TSR2: variants seen among roughly 807,000 people sequenced by gnomAD.
TSR2 encodes the protein pre-rRNA-processing protein TSR2 homolog.
Under a neutral mutation model 13.3 loss-of-function variants are expected in TSR2, and 1 was observed. The observed-to-expected ratio is 0.08, with a 90% CI of 0.03 to 0.36. TSR2 has a LOEUF of 0.36. TSR2 is among the 10% of genes least tolerant of loss of function. The probability of loss-of-function intolerance (pLI) is 0.99; values close to 1 mark genes in which losing one functional copy is unlikely to be tolerated. For missense variants in TSR2, 120 were observed against 151.1 expected, an observed-to-expected ratio of 0.79 and a Z score of 1.08; for synonymous variants, 60 against 57.7, an observed-to-expected ratio of 1.04 and a Z score of -0.18.
Position 54,444,734 on chromosome X carries a change from G to A in TSR2, c.*184G>A, listed in dbSNP as rs1922062996. 2 of 401,135 alleles carry A rather than the reference G, an allele frequency of 5.0e-6. No homozygotes were observed. Among genetic ancestry groups the A allele is most frequent in the African/African-American group, 2.6e-5 (1 of 38,658 alleles). 33.1% of individuals were successfully genotyped at this position (401,135 alleles called of 1,213,427 possible). Reference sequence around the variant, plus strand: ...TAGGGTCCTTGGTCTTGGGGGTGGGGGGACCTTTTCCAGCATATTCCCCTG... The same window carrying A: ...TAGGGTCCTTGGTCTTGGGGGTGGGAGGACCTTTTCCAGCATATTCCCCTG... On this transcript the variant is annotated 3_prime_UTR_variant, in exon 5 of 5. Transcript: ENST00000375151.
At chrX:54,442,039 A>G (rs1161446517) in intron 2 of TSR2, among the ~76,000 whole-genome samples, 3 of 112,155 alleles carry the variant, frequency 2.7e-5, no homozygotes, top group Non-Finnish European at 5.6e-5. Context: ...CTTTCTATGG[A>G]TAGTGTCCCT....
At chrX:54,442,322 A>AG (rs1921965989) in intron 2 of TSR2, among the ~76,000 whole-genome samples, 1 of 111,146 alleles carries the variant, frequency 9.0e-6, no homozygotes, top group Admixed American at 9.6e-5. Flanking sequence ...GGTTGGCTGT[A>AG]GACAGGGAGG....
chrX:54,443,736 G>A (rs1474337406), intron 3 of TSR2, among the ~76,000 whole-genome samples: 1 of 111,824 alleles, frequency 8.9e-6, no homozygotes, highest in Non-Finnish European at 1.9e-5. Flanking sequence ...GGTTACCATT[G>A]CTCCCCAATA....
rs1451407402 is a variant in TSR2 at position 54,447,992 on chromosome X, T to C, written c.*3442T>C. Among the ~76,000 whole-genome samples the C allele has an allele frequency of 1.8e-5, 2 of 111,375 alleles. No individual in the cohort carries two copies. The highest frequency in any genetic ancestry group is 9.6e-5 in the Admixed American group (1 of 10,424). ...GTTCCTGGCACAGAGTAAGTACTCT[T>C]TTAAGTGTTAAATAAATACCTAGAT... On this transcript the variant is annotated 3_prime_UTR_variant, in exon 5 of 5. Coordinates refer to ENST00000375151, the MANE Select transcript of TSR2 (RefSeq NM_058163.3).
At position 54,447,616 on chromosome X, in the gene TSR2, G is replaced by A. The variant is rs1455908604; in HGVS notation, c.*3066G>A. On this transcript the variant is annotated 3_prime_UTR_variant, in exon 5 of 5. Transcript: ENST00000375151. ...TTGTCCAGTGCCACCCAGTGAATCA[G>A]CTAGAGCTGAGATTCAAAGCTAGGT... is the stretch of plus-strand genomic sequence containing the variant. Among the ~76,000 whole-genome samples the A allele has an allele frequency of 8.9e-6, 1 of 112,738 alleles. No individual in the cohort carries two copies. Among genetic ancestry groups the A allele is most frequent in the Admixed American group, 9.4e-5 (1 of 10,653 alleles).
chrX:54,446,080 G>C lies in TSR2; in HGVS notation c.*1530G>C. ...CAGACATGGGCAACTAGAGTGTGGGGTGGGGGCTCCCAGTTTGTCCCAAAC... is the reference window on the plus strand; with the variant it reads ...CAGACATGGGCAACTAGAGTGTGGGCTGGGGGCTCCCAGTTTGTCCCAAAC... On this transcript the variant is annotated 3_prime_UTR_variant, in exon 5 of 5. Transcript: ENST00000375151. The C allele has an allele frequency of 8.7e-7, 1 of 1,155,420 alleles. No homozygotes were observed. The highest frequency in any genetic ancestry group is 1.2e-6 in the Non-Finnish European group (1 of 853,058).
chrX:54,446,976 G>A lies in TSR2; in HGVS notation c.*2426G>A, dbSNP rs1922217419. ...TGATCTCAGGTGAGCCACCTGCCTCGGCCTCTCAGAGTGCTGGGATTACAG... is the reference window on the plus strand; with the variant it reads ...TGATCTCAGGTGAGCCACCTGCCTCAGCCTCTCAGAGTGCTGGGATTACAG... On this transcript the variant is annotated 3_prime_UTR_variant, in exon 5 of 5. Transcript: ENST00000375151. Among the ~76,000 whole-genome samples, 1 of 110,735 alleles carries A rather than the reference G, an allele frequency of 9.0e-6. No homozygotes were observed. The highest frequency in any genetic ancestry group is 3.3e-5 in the African/African-American group (1 of 30,400).
Position 54,445,885 on chromosome X carries a change from A to T in TSR2, c.*1335A>T, listed in dbSNP as rs1922142206. The T allele has an allele frequency of 2.5e-6, 1 of 405,519 alleles. No homozygotes were observed. 33.4% of individuals were successfully genotyped at this position (405,519 alleles called of 1,213,427 possible). A position where few individuals can be genotyped will look rare whatever the true frequency, so the allele number is the denominator to read the frequency against. On this transcript the variant is annotated 3_prime_UTR_variant, in exon 5 of 5. Coordinates refer to ENST00000375151, the MANE Select transcript of TSR2 (RefSeq NM_058163.3). ...GCAACGGCTCCCACCCTCCCTGGGG[A>T]CAGGGATTAATAAAAATTGACATCA...
Position 54,443,895 on chromosome X carries a change from G to C in TSR2, c.265-113G>C. 1.9e-6 allele frequency: 2 copies of C among 1,061,785 alleles called. 1 individual carries two copies. The highest frequency in any genetic ancestry group is 4.5e-5 in the South Asian group (2 of 44,180). 87.5% of individuals were successfully genotyped at this position (1,061,785 alleles called of 1,213,427 possible). ...TGGTTAATTCCTTGGGGAGGAAAGA[G>C]CTCTGTTCTCTTCTGGAAAAATCCA... is the stretch of plus-strand genomic sequence containing the variant. On this transcript the variant is annotated intron_variant, in intron 3 of 4. Transcript: ENST00000375151.
In TSR2 at chrX:54,440,775, G is replaced by T. The variant is rs140822042; in HGVS notation, c.167G>T (p.Arg56Leu). 4.2e-6 allele frequency: 5 copies of T among 1,189,028 alleles called. No individual in the cohort carries two copies. Among genetic ancestry groups the T allele is most frequent in the Non-Finnish European group, 5.7e-6 (5 of 882,985 alleles). ...GGTGCAGTGGAGGATTACTTCATGC[G>T]CAATGGTGAGTGAATGTGAGGCGCC... ...LGGAVEDYFM[R>L]NADLELDEVE... The change falls in exon 2 of 5, where the codon CGC (arginine) becomes CTC (leucine). Residue 56 changes from arginine (R) to leucine (L), a missense_variant. Coordinates refer to ENST00000375151, the MANE Select transcript of TSR2 (RefSeq NM_058163.3).
Position 54,447,555 on chromosome X carries a change from A to C in TSR2, c.*3005A>C. On this transcript the variant is annotated 3_prime_UTR_variant, in exon 5 of 5. Coordinates refer to ENST00000375151, the MANE Select transcript of TSR2 (RefSeq NM_058163.3). Reference sequence around the variant, plus strand: ...GTGTAGGGACTGCTATTCCTATCTCAGATGAAGACGCTCAAGCTCAGGTGG... The same window carrying C: ...GTGTAGGGACTGCTATTCCTATCTCCGATGAAGACGCTCAAGCTCAGGTGG... 2.3e-6 allele frequency: 2 copies of C among 886,870 alleles called. No individual in the cohort carries two copies. Among genetic ancestry groups the C allele is most frequent in the Non-Finnish European group, 3.2e-6 (2 of 623,962 alleles). The allele number at this position is 886,870 out of a possible 1,213,427, so 73.1% of individuals were successfully genotyped here. A position where few individuals can be genotyped will look rare whatever the true frequency, so the allele number is the denominator to read the frequency against.
intron 2 of TSR2, among the ~76,000 whole-genome samples, chrX:54,441,803 T>C (rs1221819434): frequency 9.0e-6 from 1 of 111,281 alleles, no homozygotes; most frequent in Non-Finnish European, 1.9e-5. Context: ...GCATAAGACA[T>C]GGAAGCCCTT....
chrX:54,444,702 G>C lies in TSR2; in HGVS notation c.*152G>C. 1 of 535,405 alleles carries C rather than the reference G, an allele frequency of 1.9e-6. No individual in the cohort carries two copies. The highest frequency in any genetic ancestry group is 2.9e-6 in the Non-Finnish European group (1 of 347,049). The allele number at this position is 535,405 out of a possible 1,213,427, so 44.1% of individuals were successfully genotyped here. A position where few individuals can be genotyped will look rare whatever the true frequency, so the allele number is the denominator to read the frequency against. On this transcript the variant is annotated 3_prime_UTR_variant, in exon 5 of 5. Transcript: ENST00000375151. ...TCTGTCTGGCTCCCTCCAGGGCAAGGAAAACCTAGGGTCCTTGGTCTTGGG... is the reference window on the plus strand; with the variant it reads ...TCTGTCTGGCTCCCTCCAGGGCAAGCAAAACCTAGGGTCCTTGGTCTTGGG...
In TSR2 at chrX:54,445,084, G is replaced by A. The variant is rs187428092; in HGVS notation, c.*534G>A. On this transcript the variant is annotated 3_prime_UTR_variant, in exon 5 of 5. Coordinates refer to ENST00000375151, the MANE Select transcript of TSR2 (RefSeq NM_058163.3). ...CGCAACAGCTCTGTACCCCTGCCCA[G>A]AACTTGGAACCTCCCAGGAATGCTG... is the stretch of plus-strand genomic sequence containing the variant. 123 of 110,968 alleles carry A rather than the reference G, an allele frequency of 1.1e-3. No homozygotes were observed. The East Asian group carries it at 0.022, about 19-fold the overall frequency. The allele number at this position is 110,968 out of a possible 1,213,427, so 9.1% of individuals were successfully genotyped here. A position where few individuals can be genotyped will look rare whatever the true frequency, so the allele number is the denominator to read the frequency against.
rs953179407 is a variant in TSR2 at position 54,447,781 on chromosome X, T to C, written c.*3231T>C. On this transcript the variant is annotated 3_prime_UTR_variant, in exon 5 of 5. Transcript: ENST00000375151. ...TTTAGGCCTCATGCTTTTTTCTGTC[T>C]TTCATCACATCCATTTCCTACACTC... Among the ~76,000 whole-genome samples, 2 of 112,416 alleles carry C rather than the reference T, an allele frequency of 1.8e-5. No homozygotes were observed. The highest frequency in any genetic ancestry group is 3.8e-5 in the Non-Finnish European group (2 of 53,319).
chrX:54,440,604 G>T, intron 1 of TSR2, 86 bp from the exon 2 acceptor site: 2 of 1,130,343 alleles, frequency 1.8e-6, no homozygotes, highest in Non-Finnish European at 2.4e-6. Context: ...GGCATAAGAG[G>T]AGTTGGCTGG....
At chrX:54,440,827 G>A in intron 2 of TSR2, 47 bp downstream of exon 2, 2 of 1,026,624 alleles carry the variant, frequency 1.9e-6, no homozygotes, top group Middle Eastern at 5.5e-4. Context: ...GGGGTGTGGA[G>A]AGGAGGAGCC....
At chrX:54,444,241 G>A (rs1303351946) in intron 4 of TSR2, 57 bp downstream of exon 4, 19 of 1,183,642 alleles carry the variant, frequency 1.6e-5, no homozygotes, top group Admixed American at 2.3e-5. Context: ...TTCTGGAAGA[G>A]CAGCTAGATT....
At chrX:54,441,536 A>T (rs892404801) in intron 2 of TSR2, among the ~76,000 whole-genome samples, 3 of 112,225 alleles carry the variant, frequency 2.7e-5, no homozygotes, top group African/African-American at 9.7e-5. Flanking sequence ...GATAAAGAGG[A>T]GCTCAGGGTG....
Sources: gnomAD v4.1 joint callset for allele counts (sites outside exome capture counted in the v4.1 genomes callset) on GRCh38, gnomAD v4.1.1 for gene constraint, MANE v1.5 for transcripts, NCBI Gene and HGNC (gene_info 2026-07-23, HGNC 2026-07-21) for gene names.